The following NUP210L variants were observed in gnomAD, a reference collection of about 807,000 sequenced individuals.
NUP210L encodes nucleoporin 210 like, also known as nuclear pore membrane glycoprotein 210-like.
NUP210L carries 74 observed loss-of-function variants against 208.5 expected under a neutral mutation model. The observed-to-expected ratio is 0.35, with a 90% CI of 0.29 to 0.43. NUP210L has a LOEUF of 0.43. Among genes scored for constraint, NUP210L ranks in the 20% least tolerant of loss-of-function variants. NUP210L has a pLI of 1.00. For missense variants in NUP210L, 1,843 were observed against 2,289.4 expected (o/e 0.81, Z 3.98); for synonymous variants, 780 against 816.9 (o/e 0.95, Z 0.77).
intron 23 of NUP210L, among the ~76,000 whole-genome samples, chr1:154,055,565 C>G (rs1653819838): frequency 6.6e-6 from 1 of 151,874 alleles, no homozygotes; most frequent in Admixed American, 6.6e-5. Context: ...CTGACTAATT[C>G]CTTAATTTTT....
chr1:154,021,102 C>G (rs1291752283), intron 32 of NUP210L, among the ~76,000 whole-genome samples: 1 of 151,220 alleles, frequency 6.6e-6, no homozygotes, highest in Non-Finnish European at 1.5e-5. Flanking sequence ...CCACCATGCA[C>G]AGCTAATTTT....
chr1:154,154,110 C>A (rs191876019), intron 1 of NUP210L, among the ~76,000 whole-genome samples: 3 of 152,086 alleles, frequency 2.0e-5, no homozygotes, highest in Admixed American at 1.3e-4. Flanking sequence ...TTGTGTGTAC[C>A]CCCTGTCCTC....
chr1:154,026,434 C>T (rs1386742899), intron 29 of NUP210L, among the ~76,000 whole-genome samples: 8 of 152,148 alleles, frequency 5.3e-5, no homozygotes, highest in Admixed American at 3.9e-4. Context: ...CTGCAGCCTC[C>T]GCCTCCCGGG....
At chr1:154,002,449 T>A (rs1650274551) in intron 35 of NUP210L, among the ~76,000 whole-genome samples, 1 of 151,778 alleles carries the variant, frequency 6.6e-6, no homozygotes, top group South Asian at 2.1e-4. Flanking sequence ...CTGGCCAACA[T>A]GGTGAAACCC....
intron 17 of NUP210L, among the ~76,000 whole-genome samples, chr1:154,067,590 G>A (rs546504597): frequency 6.6e-6 from 1 of 152,122 alleles, no homozygotes; most frequent in Non-Finnish European, 1.5e-5. Context: ...GGAAGTTCTG[G>A]CCAGGACAAT....
intron 35 of NUP210L, among the ~76,000 whole-genome samples, chr1:154,006,070 C>T (rs1571157120): frequency 6.6e-6 from 1 of 152,068 alleles, no homozygotes; most frequent in African/African-American, 2.4e-5. Flanking sequence ...GTTGATCATG[C>T]TGGTCTTGAA....
chr1:154,153,390 A>ACATT (rs1659498442), intron 1 of NUP210L, among the ~76,000 whole-genome samples: 2 of 152,198 alleles, frequency 1.3e-5, no homozygotes, highest in African/African-American at 4.8e-5. Context: ...GCTCACTGCA[A>ACATT]CATTCGCCTC....
At chr1:154,056,176 G>A (rs1443133006) in intron 23 of NUP210L, among the ~76,000 whole-genome samples, 2 of 152,268 alleles carry the variant, frequency 1.3e-5, no homozygotes, top group East Asian at 1.9e-4. Context: ...TTAAGAGACA[G>A]GGTATCATTC....
At chr1:154,091,753 G>C (rs559050586) in intron 15 of NUP210L, among the ~76,000 whole-genome samples, 1 of 151,154 alleles carries the variant, frequency 6.6e-6, no homozygotes, top group Non-Finnish European at 1.5e-5. Flanking sequence ...TGCCCGCTTC[G>C]GTCTCCCAAA....
intron 16 of NUP210L, among the ~76,000 whole-genome samples, chr1:154,078,410 C>G: frequency 6.6e-6 from 1 of 151,858 alleles, no homozygotes; most frequent in Non-Finnish European, 1.5e-5. Context: ...GCCTGGCCAA[C>G]GTGGTGAAAC....
chr1:154,134,340 A>T (rs1203022265), intron 7 of NUP210L, among the ~76,000 whole-genome samples: 3 of 151,690 alleles, frequency 2.0e-5, no homozygotes, highest in African/African-American at 7.3e-5. Flanking sequence ...AGAGAGATGG[A>T]GTCCAAATCA....
intron 33 of NUP210L, 99 bp downstream of exon 33, chr1:154,018,834 G>T: frequency 7.4e-7 from 1 of 1,342,622 alleles, no homozygotes; most frequent in Non-Finnish European, 1.0e-6. Flanking sequence ...TCTGTTTTAT[G>T]AGTGTATTTC....
chr1:154,132,880 A>G (rs1055166688), intron 7 of NUP210L, among the ~76,000 whole-genome samples: 2 of 152,218 alleles, frequency 1.3e-5, no homozygotes, highest in Non-Finnish European at 2.9e-5. Flanking sequence ...TAACAATATT[A>G]TACAAGAAAT....
intron 23 of NUP210L, among the ~76,000 whole-genome samples, chr1:154,055,593 C>T (rs887226975): frequency 6.6e-6 from 1 of 151,936 alleles, no homozygotes; most frequent in Non-Finnish European, 1.5e-5. Context: ...ATGGGGTCTC[C>T]CTATGTTACC....
chr1:154,069,971 C>G (rs560714118), intron 17 of NUP210L, among the ~76,000 whole-genome samples: 4 of 152,072 alleles, frequency 2.6e-5, no homozygotes, highest in Non-Finnish European at 4.4e-5. Context: ...AAACACCGCA[C>G]GTTCTCTCTC....
chr1:154,016,384 A>T (rs1250592568), intron 33 of NUP210L, among the ~76,000 whole-genome samples: 2 of 152,190 alleles, frequency 1.3e-5, no homozygotes, highest in Non-Finnish European at 2.9e-5. Context: ...GAGACATTAC[A>T]TATATTTAAG....
At chr1:154,056,185 T>C (rs1050193531) in intron 23 of NUP210L, among the ~76,000 whole-genome samples, 1 of 152,208 alleles carries the variant, frequency 6.6e-6, no homozygotes, top group Non-Finnish European at 1.5e-5. Context: ...AGGGTATCAT[T>C]CTGTCACCCA....
rs1483174998 is a variant in NUP210L at position 154,125,756 on chromosome 1, T to TG, written c.1326+566_1326+567insC. ...AAGGAAGGGAGGGAGGGAAATGTTT[T>TG]TTTTTTTTTTTTTTTTTTTTTTTTT... On this transcript the variant is annotated intron_variant, in intron 10 of 39. Coordinates refer to ENST00000368559, the Ensembl canonical transcript of NUP210L. Among the ~76,000 whole-genome samples, 7 of 5,762 alleles carry TG rather than the reference T, an allele frequency of 1.2e-3. 1 individual carries two copies. The highest frequency in any genetic ancestry group is 5.2e-3 in the Admixed American group (2 of 388). The allele number at this position is 5,762 out of a possible 152,430, so 3.8% of individuals were successfully genotyped here.
intron 7 of NUP210L, 23 bp from the exon 8 acceptor site, chr1:154,129,368 CAT>C (rs1571308762): frequency 6.6e-7 from 1 of 1,515,380 alleles, no homozygotes. Flanking sequence ...TTAAGGAAAT[CAT>C]GTGAGCCAGA....
Sources: allele counts gnomAD v4.1 joint callset (sites outside exome capture counted in the v4.1 genomes callset), GRCh38; gene constraint gnomAD v4.1.1; transcripts MANE v1.5; gene names NCBI Gene and HGNC (gene_info 2026-07-23, HGNC 2026-07-21).